PTPRN2: variants seen among roughly 807,000 people sequenced by gnomAD.
PTPRN2 encodes the protein protein tyrosine phosphatase receptor type N2.
PTPRN2 carries 74 observed loss-of-function variants against 118.8 expected under a neutral mutation model. The ratio of observed to expected loss-of-function variants is 0.62; its 90% CI spans 0.52 to 0.76. The LOEUF (loss-of-function observed/expected upper bound fraction) is 0.76, where lower values mean the gene tolerates loss of function less well. Among genes scored for constraint, PTPRN2 ranks in the 30% least tolerant of loss-of-function variants. The pLI is 0.00. For missense variants in PTPRN2, 1,481 were observed against 1,394.4 expected (o/e 1.06, Z -0.99); for synonymous variants, 641 against 608.0 (o/e 1.05, Z -0.80).
chr7:158,469,622 C>T (rs1819694072), intron 2 of PTPRN2, among the ~76,000 whole-genome samples: 1 of 151,420 alleles, frequency 6.6e-6, no homozygotes, highest in Non-Finnish European at 1.5e-5. Flanking sequence ...CGCTCGAGAG[C>T]GTTTCTGTTC....
chr7:158,565,347 C>A lies in PTPRN2; in HGVS notation c.112+22211G>T, dbSNP rs746321619. On this transcript the variant is annotated intron_variant, in intron 1 of 22. Transcript: ENST00000389418. The surrounding 1 kb of genome is among the most constrained non-coding windows in gnomAD (Gnocchi z 4.6). The stretch of plus-strand genomic sequence containing the variant: ...CAAATTACCGGGAACTTTGCAAATT[C>A]CCAGGAACTTTGCAAATTACCTCTC... Among the ~76,000 whole-genome samples the A allele has an allele frequency of 3.9e-5, 6 of 152,120 alleles. No individual in the cohort carries two copies. Among genetic ancestry groups the A allele is most frequent in the Non-Finnish European group, 1.5e-5 (1 of 68,026 alleles).
At chr7:158,211,569 C>T (rs555548438) in intron 3 of PTPRN2, among the ~76,000 whole-genome samples, 1 of 152,240 alleles carries the variant, frequency 6.6e-6, no homozygotes, top group South Asian at 2.1e-4. Flanking sequence ...TCTGAATAGA[C>T]ATTTCTCAAA....
At chr7:158,520,483 G>A (rs573946666) in intron 1 of PTPRN2, among the ~76,000 whole-genome samples, 6 of 152,298 alleles carry the variant, frequency 3.9e-5, no homozygotes, top group African/African-American at 1.4e-4. Flanking sequence ...TTTCCTGGAT[G>A]TTTGAAGCAG....
chr7:157,563,962 C>T (rs1056064385), intron 21 of PTPRN2, among the ~76,000 whole-genome samples: 1 of 152,262 alleles, frequency 6.6e-6, no homozygotes, highest in Non-Finnish European at 1.5e-5. Flanking sequence ...GCAGCAGGCT[C>T]TCTGCTCCAT....
intron 13 of PTPRN2, among the ~76,000 whole-genome samples, chr7:157,670,276 G>A (rs543301516): frequency 1.2e-4 from 19 of 152,284 alleles, no homozygotes; most frequent in African/African-American, 4.6e-4. Flanking sequence ...AGCTGCATCC[G>A]AGAGTGACCG....
At chr7:157,921,942 G>A (rs1171277006) in intron 11 of PTPRN2, among the ~76,000 whole-genome samples, 6 of 152,162 alleles carry the variant, frequency 3.9e-5, no homozygotes, top group Admixed American at 1.3e-4. Flanking sequence ...ATGGAGAGAC[G>A]GGGCGTGGAG....
chr7:157,704,161 T>C (rs894344581), intron 12 of PTPRN2, among the ~76,000 whole-genome samples: 4 of 152,204 alleles, frequency 2.6e-5, no homozygotes, highest in Non-Finnish European at 4.4e-5. Context: ...CCACTAACTG[T>C]GTGACTGAGG....
At chr7:158,395,873 C>T (rs1016070292) in intron 2 of PTPRN2, among the ~76,000 whole-genome samples, 37 of 152,102 alleles carry the variant, frequency 2.4e-4, no homozygotes, top group African/African-American at 5.8e-4. Context: ...GGGCAGAGCG[C>T]CATGGAGGGC....
chr7:158,368,699 C>T (rs927674616), intron 2 of PTPRN2, among the ~76,000 whole-genome samples: 1 of 152,166 alleles, frequency 6.6e-6, no homozygotes, highest in Admixed American at 6.5e-5. Context: ...AGCACTCAGC[C>T]CCCTCCCCTG....
chr7:157,807,970 C>T (rs1270131445), intron 12 of PTPRN2, among the ~76,000 whole-genome samples: 2 of 152,224 alleles, frequency 1.3e-5, no homozygotes, highest in Non-Finnish European at 1.5e-5. Context: ...GAACATTAAG[C>T]ACTGTGAGCT....
rs1343254247 is a variant in PTPRN2, at chr7:157,760,165, TAACA to T, written c.1789-77232_1789-77229del. ...CCCCACATCACCCACTGAATCTCTC[TAACA>T]AACATCCCCCACGTGGTGATCAGTT... is the stretch of plus-strand genomic sequence containing the variant. On this transcript the variant is annotated intron_variant, in intron 12 of 22. Coordinates refer to ENST00000389418, the MANE Select transcript of PTPRN2 (RefSeq NM_002847.5). Among the ~76,000 whole-genome samples, 12 of 152,280 alleles carry T rather than the reference TAACA, an allele frequency of 7.9e-5. No individual in the cohort carries two copies. The South Asian group carries it at 2.1e-3, about 26-fold the overall frequency.
intron 6 of PTPRN2, among the ~76,000 whole-genome samples, chr7:158,159,832 G>A (rs991327269): frequency 3.3e-5 from 5 of 152,184 alleles, no homozygotes; most frequent in Non-Finnish European, 7.3e-5. Flanking sequence ...GTAAAGAAAT[G>A]GAGAAGCAGC....
chr7:157,820,653 C>A (rs922874862), intron 12 of PTPRN2, among the ~76,000 whole-genome samples: 1 of 152,224 alleles, frequency 6.6e-6, no homozygotes, highest in Admixed American at 6.5e-5. Context: ...CACACACATG[C>A]ACACACACAT....
At chr7:158,357,351 C>T (rs1007623666) in intron 2 of PTPRN2, among the ~76,000 whole-genome samples, 1 of 152,238 alleles carries the variant, frequency 6.6e-6, no homozygotes, top group Non-Finnish European at 1.5e-5. Context: ...CCTGTGGCAG[C>T]ACCTCAGTGA....
At chr7:158,338,643 A>C (rs200704032) in intron 2 of PTPRN2, among the ~76,000 whole-genome samples, 2 of 25,338 alleles carry the variant, frequency 7.9e-5, no homozygotes, top group Non-Finnish European at 6.7e-5. Context: ...CTCACCATAA[A>C]AGCTGATGCC....
intron 3 of PTPRN2, among the ~76,000 whole-genome samples, chr7:158,210,182 C>G (rs1375609900): frequency 1.5e-5 from 2 of 136,182 alleles, no homozygotes; most frequent in African/African-American, 5.8e-5. Context: ...GTCGCCCAGG[C>G]TGGAGTGCAG....
rs568892485 is a variant in PTPRN2, at chr7:157,775,776, G to A, written c.1789-92839C>T. Among the ~76,000 whole-genome samples, 40 of 152,224 alleles carry A rather than the reference G, an allele frequency of 2.6e-4. 1 individual carries two copies. The highest frequency in any genetic ancestry group is 2.1e-3 in the Admixed American group (32 of 15,298). Reference sequence around the variant, plus strand: ...CCAGGCCCGGGTCATGGTGTCCCCCGCAGGCCTGCAGGCTGGGTTCCTCAC... The same window carrying A: ...CCAGGCCCGGGTCATGGTGTCCCCCACAGGCCTGCAGGCTGGGTTCCTCAC... On this transcript the variant is annotated intron_variant, in intron 12 of 22. Transcript: ENST00000389418.
intron 12 of PTPRN2, among the ~76,000 whole-genome samples, chr7:157,696,641 T>C (rs1355026493): frequency 6.9e-6 from 1 of 145,312 alleles, no homozygotes; most frequent in Non-Finnish European, 1.5e-5. Flanking sequence ...TACTGGGTCT[T>C]AGTAGAGCCC....
At chr7:157,916,528 T>G (rs1409082716) in intron 11 of PTPRN2, among the ~76,000 whole-genome samples, 2 of 152,208 alleles carry the variant, frequency 1.3e-5, no homozygotes, top group Non-Finnish European at 2.9e-5. Flanking sequence ...TGGGAGCAGG[T>G]GAGTTCGAGA....
Sources: gnomAD v4.1 joint callset for allele counts (sites outside exome capture counted in the v4.1 genomes callset) on GRCh38, gnomAD v4.1.1 for gene constraint, Gnocchi (gnomAD v3.1) non-coding constraint, MANE v1.5 for transcripts, NCBI Gene and HGNC (gene_info 2026-07-23, HGNC 2026-07-21) for gene names.